Variants in SMIM36 observed in about 807,000 individuals in gnomAD.
The protein encoded by SMIM36 is small integral membrane protein 36.
intron 4 of SMIM36, among the ~76,000 whole-genome samples, chr17:55,466,575 G>A (rs76427467): frequency 0.026 from 3,996 of 152,314 alleles, 79 homozygotes; most frequent in Non-Finnish European, 0.037. Context: ...CTCAAGCACA[G>A]AACCTGTAGC....
chr17:55,514,430 C>T (rs1910232147), upstream of SMIM36, among the ~76,000 whole-genome samples: 1 of 152,116 alleles, frequency 6.6e-6, no homozygotes. Flanking sequence ...ATACTGAAAG[C>T]ACACTGTATA....
the SMIM36 span, among the ~76,000 whole-genome samples, chr17:55,529,245 T>TA: frequency 6.6e-6 from 1 of 152,226 alleles, no homozygotes; most frequent in Non-Finnish European, 1.5e-5. Flanking sequence ...AGAATATGGT[T>TA]AAAAAATGCT....
intron 3 of SMIM36, among the ~76,000 whole-genome samples, chr17:55,469,716 A>C (rs1349790027): frequency 6.6e-6 from 1 of 152,218 alleles, no homozygotes; most frequent in Non-Finnish European, 1.5e-5. Context: ...GCAGTGGCTC[A>C]CGCCTGTAAT....
At chr17:55,510,044 G>A (rs188826172) in intron 1 of SMIM36, among the ~76,000 whole-genome samples, 30 of 152,216 alleles carry the variant, frequency 2.0e-4, no homozygotes, top group African/African-American at 7.2e-4. Flanking sequence ...TGTGTGTCAA[G>A]AACTGTCTCA....
At chr17:55,491,274 G>A (rs1272955722) in intron 1 of SMIM36, among the ~76,000 whole-genome samples, 11 of 146,914 alleles carry the variant, frequency 7.5e-5, no homozygotes, top group African/African-American at 2.8e-4. Flanking sequence ...AAAAAAGGGC[G>A]GTCAGAAAAA....
chr17:55,480,556 T>A (rs750470863), intron 1 of SMIM36, among the ~76,000 whole-genome samples: 1 of 152,188 alleles, frequency 6.6e-6, no homozygotes, highest in African/African-American at 2.4e-5. Flanking sequence ...GGGGGATGCA[T>A]TGACTTACTC....
At chr17:55,453,612 T>A (rs774095636) in intron 4 of SMIM36, among the ~76,000 whole-genome samples, 4 of 151,998 alleles carry the variant, frequency 2.6e-5, no homozygotes, top group Non-Finnish European at 5.9e-5. Context: ...GTACATAGAG[T>A]GGATTCTTAG....
chr17:55,459,744 C>T lies in SMIM36; in HGVS notation c.*531+7401G>A, dbSNP rs966736528. On this transcript the variant is annotated intron_variant, in intron 4 of 4. Transcript: ENST00000636752. ...GGCTGGGCATGGTCACAACTGTAAT[C>T]GGAGCACTTTGGGAGGCCAAGGCAG... Among the ~76,000 whole-genome samples the T allele has an allele frequency of 4.6e-5, 7 of 152,200 alleles. No homozygotes were observed. The East Asian group carries it at 7.7e-4, about 17-fold the overall frequency.
At chr17:55,500,641 TCAATGCATCTA>T (rs928768918) in intron 1 of SMIM36, among the ~76,000 whole-genome samples, 4 of 150,412 alleles carry the variant, frequency 2.7e-5, no homozygotes, top group African/African-American at 7.3e-5. Context: ...TATAAAATGT[TCAATGCATCTA>T]ATATTGAAGT....
At chr17:55,456,695 T>G (rs1425245633) in intron 4 of SMIM36, among the ~76,000 whole-genome samples, 1 of 152,226 alleles carries the variant, frequency 6.6e-6, no homozygotes, top group Admixed American at 6.5e-5. Context: ...TTGTTTGTGT[T>G]TCTCTTGAAT....
intron 3 of SMIM36, among the ~76,000 whole-genome samples, chr17:55,467,552 A>G (rs1376488614): frequency 6.6e-6 from 1 of 152,000 alleles, no homozygotes; most frequent in African/African-American, 2.4e-5. Context: ...GCCGGCCACC[A>G]TGCCCAGCTA....
At chr17:55,492,242 C>CTTTCTTTCT (rs1555621869) in intron 1 of SMIM36, among the ~76,000 whole-genome samples, 1 of 111,286 alleles carries the variant, frequency 9.0e-6, no homozygotes. Flanking sequence ...TTCTTTCTTT[C>CTTTCTTTCT]TTTTTTTTTT....
chr17:55,514,967 G>A (rs1168829145), upstream of SMIM36, among the ~76,000 whole-genome samples: 2 of 151,538 alleles, frequency 1.3e-5, no homozygotes, highest in Non-Finnish European at 2.9e-5. Flanking sequence ...AGCATTGGGA[G>A]TTTGATTATT....
At chr17:55,504,189 A>G (rs1389069689) in intron 1 of SMIM36, among the ~76,000 whole-genome samples, 1 of 101,392 alleles carries the variant, frequency 9.9e-6, no homozygotes. Flanking sequence ...CAACAAGGAT[A>G]CCCAGGAATT....
intron 3 of SMIM36, among the ~76,000 whole-genome samples, chr17:55,473,324 A>T (rs564120038): frequency 6.6e-6 from 1 of 152,318 alleles, no homozygotes; most frequent in Admixed American, 6.5e-5. Context: ...CTCCAACACA[A>T]GGTTGGCAGA....
intron 3 of SMIM36, among the ~76,000 whole-genome samples, chr17:55,477,938 G>A (rs1294247218): frequency 1.3e-5 from 2 of 151,752 alleles, no homozygotes; most frequent in Non-Finnish European, 2.9e-5. Context: ...AGTTACCAAG[G>A]AAGCTGGGAA....
chr17:55,497,229 AT>A (rs1053702571), intron 1 of SMIM36, among the ~76,000 whole-genome samples: 11 of 151,766 alleles, frequency 7.2e-5, no homozygotes, highest in Non-Finnish European at 1.5e-4. Flanking sequence ...TCTACTAAGG[AT>A]TTTTTCTTCT....
At chr17:55,459,906 G>C (rs1272110756) in intron 4 of SMIM36, among the ~76,000 whole-genome samples, 1 of 151,958 alleles carries the variant, frequency 6.6e-6, no homozygotes, top group African/African-American at 2.4e-5. Context: ...CTAAGGCAGG[G>C]GGATTGTGCC....
intron 1 of SMIM36, among the ~76,000 whole-genome samples, chr17:55,490,623 C>T (rs1247227526): frequency 6.6e-6 from 1 of 152,150 alleles, no homozygotes; most frequent in African/African-American, 2.4e-5. Flanking sequence ...GAAAATCAGT[C>T]CATGCTATTT....
Sources: gnomAD v4.1 joint callset for allele counts (sites outside exome capture counted in the v4.1 genomes callset) on GRCh38, gnomAD v4.1.1 for gene constraint, MANE v1.5 for transcripts, NCBI Gene and HGNC (gene_info 2026-07-23, HGNC 2026-07-21) for gene names.